The following ZNF471 variants were observed in gnomAD, a reference collection of about 807,000 sequenced individuals.
ZNF471 encodes the protein EZFIT-related protein 1.
Under a neutral mutation model 13.7 loss-of-function variants are expected in ZNF471, and 7 were observed. The ratio of observed to expected loss-of-function variants is 0.51; its 90% confidence interval spans 0.29 to 0.96. The LOEUF is 0.96. Among genes scored for constraint, ZNF471 ranks in the 40% least tolerant of loss-of-function variants. The pLI is 0.08. For missense variants in ZNF471, 663 were observed against 743.3 expected (o/e 0.89, Z 1.26); for synonymous variants, 218 against 235.6 (o/e 0.93, Z 0.68).
intron 4 of ZNF471, among the ~76,000 whole-genome samples, chr19:56,518,856 C>T (rs533532106): frequency 3.3e-5 from 5 of 152,226 alleles, no homozygotes; most frequent in Non-Finnish European, 7.4e-5. Context: ...CTTACCATCC[C>T]GTCTTTCGCT....
chr19:56,522,665 C>T lies in ZNF471; in HGVS notation c.257-1659C>T, dbSNP rs2043989059. 6.6e-6 allele frequency among the ~76,000 whole-genome samples: 1 copy of T among 151,994 alleles called. No individual in the cohort carries two copies. Among genetic ancestry groups the T allele is most frequent in the Admixed American group, 6.6e-5 (1 of 15,256 alleles). On this transcript the variant is annotated intron_variant, in intron 4 of 4. Coordinates refer to ENST00000308031, the MANE Select transcript of ZNF471 (RefSeq NM_020813.4). This position sits in a 1 kb window ranked among gnomAD's most constrained non-coding sequence, Gnocchi z 4.1. ...TCAATACAAATTTCTTTATATTTTA[C>T]TGATAACTTTGTATATATGCCCAGA...
At position 56,516,219 on chromosome 19, in the gene ZNF471, C is replaced by CA. The variant is rs1167926513; in HGVS notation, c.34-55dup. 2 of 1,583,656 alleles carry CA rather than the reference C, an allele frequency of 1.3e-6. No individual in the cohort carries two copies. The highest frequency in any genetic ancestry group is 1.7e-5 in the Admixed American group (1 of 58,930). On this transcript the variant is annotated intron_variant, in intron 2 of 4. Coordinates refer to ENST00000308031, the MANE Select transcript of ZNF471 (RefSeq NM_020813.4). This position sits in a 1 kb window ranked among gnomAD's most constrained non-coding sequence, Gnocchi z 4.4. ...AAAGTAGAGACACTTTGGATCAACT[C>CA]AGAGTTATCTTTGGACACGAGCATT... is the stretch of plus-strand genomic sequence containing the variant.
At chr19:56,512,187 C>T (rs1319111827) in intron 2 of ZNF471, among the ~76,000 whole-genome samples, 1 of 105,642 alleles carries the variant, frequency 9.5e-6, no homozygotes, top group African/African-American at 3.6e-5. Flanking sequence ...CCTTAACTCC[C>T]AGTTATTTTA....
At position 56,516,634 on chromosome 19, in the gene ZNF471, T is replaced by C. The variant is rs1394738892; in HGVS notation, c.160+233T>C. Among the ~76,000 whole-genome samples the C allele has an allele frequency of 1.3e-5, 2 of 152,200 alleles. No individual in the cohort carries two copies. Among genetic ancestry groups the C allele is most frequent in the Non-Finnish European group, 2.9e-5 (2 of 68,024 alleles). On this transcript the variant is annotated intron_variant, in intron 3 of 4. Transcript: ENST00000308031. The surrounding 1 kb of genome is among the most constrained non-coding windows in gnomAD (Gnocchi z 4.4). Reference sequence around the variant, plus strand: ...GCAATTGGGAACACAAGACACAATGTGAATCTCACCAGTCTCCTCAGTTTC... The same window carrying C: ...GCAATTGGGAACACAAGACACAATGCGAATCTCACCAGTCTCCTCAGTTTC...
chr19:56,509,018 C>T (rs906652494), intron 1 of ZNF471, among the ~76,000 whole-genome samples: 1 of 152,150 alleles, frequency 6.6e-6, no homozygotes, highest in African/African-American at 2.4e-5. Context: ...AGTTATGTTT[C>T]CTGGCTTACG....
chr19:56,521,151 A>C (rs2043965631), intron 4 of ZNF471, among the ~76,000 whole-genome samples: 2 of 152,034 alleles, frequency 1.3e-5, no homozygotes, highest in African/African-American at 4.8e-5. Flanking sequence ...ACCTGGCCCC[A>C]CCCTTGACAT....
rs1042220463 is a variant in ZNF471, at chr19:56,516,232, G to T, written c.34-43G>T. 14 of 1,600,594 alleles carry T rather than the reference G, an allele frequency of 8.7e-6. No homozygotes were observed. The African/African-American group carries it at 1.6e-4, about 18-fold the overall frequency. ...TTTGGATCAACTCAGAGTTATCTTTGGACACGAGCATTGGTTGGTTAAGAA... is the reference window on the plus strand; with the variant it reads ...TTTGGATCAACTCAGAGTTATCTTTTGACACGAGCATTGGTTGGTTAAGAA... On this transcript the variant is annotated intron_variant, in intron 2 of 4. Transcript: ENST00000308031. This position sits in a 1 kb window ranked among gnomAD's most constrained non-coding sequence, Gnocchi z 4.4.
chr19:56,511,277 C>T (rs1364912014), intron 1 of ZNF471, among the ~76,000 whole-genome samples: 2 of 151,562 alleles, frequency 1.3e-5, no homozygotes, highest in Admixed American at 1.3e-4. Flanking sequence ...ATAATCTAAT[C>T]TATGCAGAGT....
At position 56,525,081 on chromosome 19, in the gene ZNF471, A is replaced by T; in HGVS notation, c.1014A>T (p.Arg338Ser). ...SDGSSFARHQ[R>S]CHTGKRPYEC... is the part of the protein sequence containing the mutation. ...GCTCGTCTTTTGCTCGACATCAGAG[A>T]TGTCACACTGGCAAAAGACCCTATG... The change falls in exon 5 of 5, where the codon AGA (arginine) becomes AGT (serine). Residue 338 changes from arginine (R) to serine (S), a missense_variant. Arg to Ser is a moderately radical substitution (Grantham distance 110, BLOSUM62 -1). Transcript: ENST00000308031. The T allele has an allele frequency of 6.2e-7, 1 of 1,614,024 alleles. No individual in the cohort carries two copies.
Position 56,527,652 on chromosome 19 carries a change from AAC to A in ZNF471, c.*1708_*1709del, listed in dbSNP as rs370635976. The A allele has an allele frequency of 1.9e-3, 296 of 152,376 alleles. No homozygotes were observed. Among genetic ancestry groups the A allele is most frequent in the African/African-American group, 6.9e-3 (288 of 41,592 alleles). The allele number at this position is 152,376 out of a possible 1,614,324, so 9.4% of individuals were successfully genotyped here. On this transcript the variant is annotated 3_prime_UTR_variant, in exon 5 of 5. Coordinates refer to ENST00000308031, the MANE Select transcript of ZNF471 (RefSeq NM_020813.4). Reference sequence around the variant, plus strand: ...CATAAATGACCTGATGGAGCTGAAAAACACAGCATGAGAACTTCGTGAAGCAT... The same window carrying A: ...CATAAATGACCTGATGGAGCTGAAAAACAGCATGAGAACTTCGTGAAGCAT...
rs765219329 is a variant in ZNF471, at chr19:56,524,866, T to C, written c.799T>C (p.Cys267Arg). 18 of 1,610,684 alleles carry C rather than the reference T, an allele frequency of 1.1e-5. No homozygotes were observed. Among genetic ancestry groups the C allele is most frequent in the Admixed American group, 1.7e-5 (1 of 59,374 alleles). Residue 267 changes from cysteine to arginine, a missense_variant, in exon 5 of 5, where the codon TGT becomes CGT. Cys to Arg is a radical substitution (Grantham distance 180). Transcript: ENST00000308031. The surrounding 1 kb of genome is among the most constrained non-coding windows in gnomAD (Gnocchi z 4.8). ...TGEKLFECKE[C>R]RKAFKQSEHL... is the part of the protein sequence containing the mutation. Reference sequence around the variant, plus strand: ...AGAGAAACTCTTTGAATGTAAAGAATGTAGGAAAGCCTTCAAACAAAGTGA... The same window carrying C: ...AGAGAAACTCTTTGAATGTAAAGAACGTAGGAAAGCCTTCAAACAAAGTGA...
rs748029894 is a variant in ZNF471, at chr19:56,525,987, A to G, written c.*39A>G. 2.9e-5 allele frequency: 43 copies of G among 1,496,826 alleles called. No homozygotes were observed. The highest frequency in any genetic ancestry group is 1.6e-4 in the Admixed American group (7 of 43,810). 92.7% of individuals were successfully genotyped at this position (1,496,826 alleles called of 1,614,324 possible). A position where few individuals can be genotyped will look rare whatever the true frequency, so the allele number is the denominator to read the frequency against. ...GTGGCCAAGCCTTTAGTTATCACCA[A>G]TCCCCTACTGTTAATCAGAGATGTC... On this transcript the variant is annotated 3_prime_UTR_variant, in exon 5 of 5. Transcript: ENST00000308031.
chr19:56,510,772 G>A lies in ZNF471; in HGVS notation c.-55-745G>A, dbSNP rs1489193746. 1 of 985,354 alleles carries A rather than the reference G, an allele frequency of 1.0e-6. No individual in the cohort carries two copies. The highest frequency in any genetic ancestry group is 1.2e-6 in the Non-Finnish European group (1 of 829,990). 61.0% of individuals were successfully genotyped at this position (985,354 alleles called of 1,614,324 possible). On this transcript the variant is annotated intron_variant, in intron 1 of 4. Transcript: ENST00000308031. The surrounding 1 kb of genome is among the most constrained non-coding windows in gnomAD (Gnocchi z 4.3). ...TGAGTGTGGCTGTTTGGAATTGTGT[G>A]TTGCCGGGATAGGAAATGTGGAATA...
chr19:56,520,812 T>C (rs370328640), intron 4 of ZNF471, among the ~76,000 whole-genome samples: 13 of 152,342 alleles, frequency 8.5e-5, no homozygotes, highest in African/African-American at 3.1e-4. Context: ...CATGGCCGGC[T>C]AATTTTTTAT....
At chr19:56,507,978 G>T in intron 1 of ZNF471, 58 bp downstream of exon 1, 2 of 986,032 alleles carry the variant, frequency 2.0e-6, no homozygotes, top group Non-Finnish European at 2.4e-6. Flanking sequence ...AAGGGCAGGC[G>T]AGGCGGGCGG....
Position 56,524,598 on chromosome 19 carries a change from T to A in ZNF471, c.531T>A (p.Ile177=). Residue 177 remains isoleucine, a synonymous_variant, in exon 5 of 5, where the codon ATT becomes ATA. Transcript: ENST00000308031. This position sits in a 1 kb window ranked among gnomAD's most constrained non-coding sequence, Gnocchi z 4.8. Reference sequence around the variant, plus strand: ...ATCTGGAAAACATAGAAGAGAGTATTTATAATCACACATCAGATAAAAAAA... The same window carrying A: ...ATCTGGAAAACATAGAAGAGAGTATATATAATCACACATCAGATAAAAAAA... The part of the protein sequence containing the change: ...CIHLENIEES[I]YNHTSDKKSF... 6.3e-7 allele frequency: 1 copy of A among 1,593,314 alleles called. No individual in the cohort carries two copies. The highest frequency in any genetic ancestry group is 2.2e-5 in the East Asian group (1 of 44,792).
At chr19:56,511,084 C>A in intron 1 of ZNF471, 1 of 940,608 alleles carries the variant, frequency 1.1e-6, no homozygotes, top group Non-Finnish European at 1.3e-6. Flanking sequence ...TCAGATTTTC[C>A]TTTTTCTTTT....
intron 4 of ZNF471, among the ~76,000 whole-genome samples, chr19:56,518,813 G>T (rs1191462842): frequency 6.6e-6 from 1 of 152,106 alleles, no homozygotes; most frequent in Non-Finnish European, 1.5e-5. Context: ...AAATCTCTAA[G>T]ATTTTTGTTT....
chr19:56,510,194 A>AAT lies in ZNF471; in HGVS notation c.-55-1320_-55-1319dup. The AAT allele has an allele frequency of 1.0e-6, 1 of 985,452 alleles. No homozygotes were observed. Among genetic ancestry groups the AAT allele is most frequent in the Non-Finnish European group, 1.2e-6 (1 of 829,986 alleles). 61.0% of individuals were successfully genotyped at this position (985,452 alleles called of 1,614,324 possible). On this transcript the variant is annotated intron_variant, in intron 1 of 4. Coordinates refer to ENST00000308031, the MANE Select transcript of ZNF471 (RefSeq NM_020813.4). The surrounding 1 kb of genome is among the most constrained non-coding windows in gnomAD (Gnocchi z 4.3). Reference sequence around the variant, plus strand: ...TGTGTGCATGAGATAAAGCAGTTGGAATATGAGAGATCAGAGTGTGTTTGT... The same window carrying AAT: ...TGTGTGCATGAGATAAAGCAGTTGGAATATATGAGAGATCAGAGTGTGTTTGT...
Sources: gnomAD v4.1 joint callset for allele counts (sites outside exome capture counted in the v4.1 genomes callset) on GRCh38, gnomAD v4.1.1 for gene constraint, Gnocchi (gnomAD v3.1) non-coding constraint, MANE v1.5 for transcripts, NCBI Gene and HGNC (gene_info 2026-07-23, HGNC 2026-07-21) for gene names.